Variants in AFAP1 observed in about 807,000 individuals in gnomAD.
AFAP1 encodes the protein actin filament associated protein 1.
AFAP1 carries 75 observed loss-of-function variants against 93.9 expected under a neutral mutation model. The ratio of observed to expected loss-of-function variants is 0.80; its 90% confidence interval spans 0.66 to 0.97. AFAP1 has a LOEUF of 0.97. AFAP1 is among the 50% of genes least tolerant of loss of function. The pLI is 0.00. For synonymous variants in AFAP1, 517 were observed against 430.7 expected (o/e 1.20, Z -2.48); for missense variants, 1,201 against 1,050.8 (o/e 1.14, Z -1.98).
intron 1 of AFAP1, among the ~76,000 whole-genome samples, chr4:7,903,626 C>G (rs1387253121): frequency 6.6e-6 from 1 of 152,152 alleles, no homozygotes; most frequent in Non-Finnish European, 1.5e-5. Flanking sequence ...TTGCAGTGAG[C>G]CGAGAAAGTG....
intron 1 of AFAP1, among the ~76,000 whole-genome samples, chr4:7,872,633 T>C (rs898529005): frequency 3.3e-5 from 5 of 152,164 alleles, no homozygotes; most frequent in African/African-American, 4.8e-5. Flanking sequence ...TCTAGAATGA[T>C]GGTAGACTTG....
chr4:7,877,642 A>G (rs1717591827), intron 1 of AFAP1, among the ~76,000 whole-genome samples: 1 of 152,222 alleles, frequency 6.6e-6, no homozygotes, highest in African/African-American at 2.4e-5. Context: ...TAAATAACAC[A>G]GTAAGAATCT....
chr4:7,873,562 A>G (rs1243103814), intron 1 of AFAP1, among the ~76,000 whole-genome samples: 4 of 151,660 alleles, frequency 2.6e-5, no homozygotes, highest in Admixed American at 6.6e-5. Flanking sequence ...GTTAGCCAGG[A>G]TAGTCTCGAT....
intron 2 of AFAP1, among the ~76,000 whole-genome samples, chr4:7,869,170 AAAG>A (rs1160412765): frequency 1.3e-5 from 2 of 151,424 alleles, no homozygotes; most frequent in South Asian, 2.1e-4. Context: ...AGGGAAAAGA[AAAG>A]AAAAGAGAAA....
intron 1 of AFAP1, among the ~76,000 whole-genome samples, chr4:7,917,873 T>A (rs1720173612): frequency 6.6e-6 from 1 of 152,140 alleles, no homozygotes; most frequent in Non-Finnish European, 1.5e-5. Flanking sequence ...TGACACTTAG[T>A]CATCATCCCC....
rs1275312315 is a variant in AFAP1, at chr4:7,763,265, T to A, written c.*500A>T. On this transcript the variant is annotated 3_prime_UTR_variant, in exon 18 of 18. Coordinates refer to ENST00000420658, the MANE Select transcript of AFAP1 (RefSeq NM_001134647.2). ...GGAGAGGGTACGCCAAGACACAAAG[T>A]CCACGTCAGGACTGCGTATGCCCCT... The A allele has an allele frequency of 3.9e-5, 6 of 154,860 alleles. No individual in the cohort carries two copies. The highest frequency in any genetic ancestry group is 7.2e-5 in the Non-Finnish European group (5 of 69,680). The allele number at this position is 154,860 out of a possible 1,614,324, so 9.6% of individuals were successfully genotyped here.
intron 3 of AFAP1, among the ~76,000 whole-genome samples, chr4:7,855,845 A>C (rs1376572113): frequency 1.3e-5 from 2 of 152,202 alleles, no homozygotes; most frequent in African/African-American, 4.8e-5. Flanking sequence ...TCACTGGAGC[A>C]TCCACGACAC....
At chr4:7,820,675 G>C (rs1553839359) in intron 6 of AFAP1, among the ~76,000 whole-genome samples, 1 of 152,120 alleles carries the variant, frequency 6.6e-6, no homozygotes, top group Non-Finnish European at 1.5e-5. Context: ...AGGAGGAGAT[G>C]AGCAAAGGAA....
At chr4:7,785,675 A>G (rs1285267960) in intron 12 of AFAP1, among the ~76,000 whole-genome samples, 2 of 152,210 alleles carry the variant, frequency 1.3e-5, no homozygotes, top group East Asian at 1.9e-4. Flanking sequence ...AGTGGCTCAC[A>G]TCTGTAATCC....
chr4:7,796,996 G>A, intron 10 of AFAP1, among the ~76,000 whole-genome samples: 1 of 150,296 alleles, frequency 6.7e-6, no homozygotes, highest in East Asian at 2.0e-4. Context: ...GGACGTGGAG[G>A]TTACAGTAAG....
At chr4:7,849,833 T>C (rs1406568674) in intron 4 of AFAP1, among the ~76,000 whole-genome samples, 2 of 152,138 alleles carry the variant, frequency 1.3e-5, no homozygotes, top group Admixed American at 6.5e-5. Context: ...AGGATCAAAA[T>C]ACAAGAGCTA....
intron 3 of AFAP1, among the ~76,000 whole-genome samples, chr4:7,866,777 C>T (rs945064200): frequency 1.3e-5 from 2 of 151,826 alleles, no homozygotes; most frequent in Non-Finnish European, 2.9e-5. Flanking sequence ...TGGGTCACAC[C>T]TGTAATCCTA....
chr4:7,822,740 G>A (rs1721082752), intron 6 of AFAP1, among the ~76,000 whole-genome samples: 2 of 144,136 alleles, frequency 1.4e-5, no homozygotes, highest in African/African-American at 2.6e-5. Flanking sequence ...GCCCGCCACT[G>A]CGCCCGGCTA....
chr4:7,877,834 G>A (rs1165713699), intron 1 of AFAP1, among the ~76,000 whole-genome samples: 2 of 152,190 alleles, frequency 1.3e-5, no homozygotes, highest in Non-Finnish European at 2.9e-5. Context: ...AACAAGAAAT[G>A]TCAACATAGA....
At chr4:7,906,727 A>G (rs1719423118) in intron 1 of AFAP1, among the ~76,000 whole-genome samples, 1 of 152,254 alleles carries the variant, frequency 6.6e-6, no homozygotes, top group Non-Finnish European at 1.5e-5. Flanking sequence ...TTCCCACAGA[A>G]AGAACATTCA....
intron 1 of AFAP1, among the ~76,000 whole-genome samples, chr4:7,880,164 A>C (rs1192872344): frequency 6.6e-6 from 1 of 152,198 alleles, no homozygotes. Context: ...ACAAAATCAA[A>C]GAAATGACTT....
At chr4:7,781,675 G>T (rs1471684852) in intron 12 of AFAP1, 48 bp from the exon 13 acceptor site, 1 of 1,542,894 alleles carries the variant, frequency 6.5e-7, no homozygotes. Flanking sequence ...ACAGGAAACA[G>T]CAGCTTTTAG....
chr4:7,915,567 C>T lies in AFAP1; in HGVS notation c.-3+24089G>A, dbSNP rs551566247. The stretch of plus-strand genomic sequence containing the variant: ...AAAAGTTAAGAGCCCATTTTGGAAC[C>T]AGACGACCTGCCTGATTCAGAGACA... On this transcript the variant is annotated intron_variant, in intron 1 of 17. Coordinates refer to ENST00000420658, the MANE Select transcript of AFAP1 (RefSeq NM_001134647.2). Among the ~76,000 whole-genome samples the T allele has an allele frequency of 2.6e-5, 4 of 152,308 alleles. No individual in the cohort carries two copies. The East Asian group carries it at 7.7e-4, about 29-fold the overall frequency.
At chr4:7,770,585 C>T (rs1560145872) in intron 16 of AFAP1, among the ~76,000 whole-genome samples, 2 of 152,130 alleles carry the variant, frequency 1.3e-5, no homozygotes, top group South Asian at 2.1e-4. Context: ...GCAGAACCTT[C>T]TTTTTTTTAA....
Sources: gnomAD v4.1 joint callset for allele counts (sites outside exome capture counted in the v4.1 genomes callset) on GRCh38, gnomAD v4.1.1 for gene constraint, MANE v1.5 for transcripts, NCBI Gene and HGNC (gene_info 2026-07-23, HGNC 2026-07-21) for gene names.